The following ETS1 variants were observed in gnomAD, a reference collection of about 807,000 sequenced individuals.
The protein encoded by ETS1 is protein C-ets-1.
ETS1 carries 15 observed loss-of-function variants against 58.6 expected under a neutral mutation model. The ratio of observed to expected loss-of-function variants is 0.26; its 90% CI spans 0.17 to 0.39. The LOEUF (loss-of-function observed/expected upper bound fraction) is 0.39, where lower values mean the gene tolerates loss of function less well. ETS1 is among the 10% of genes least tolerant of loss of function. The pLI is 1.00. For missense variants in ETS1, 417 were observed against 610.5 expected, an observed-to-expected ratio of 0.68 and a Z score of 3.34; for synonymous variants, 214 against 218.2, an observed-to-expected ratio of 0.98 and a Z score of 0.17.
intron 3 of ETS1, among the ~76,000 whole-genome samples, chr11:128,511,552 C>A (rs1394919744): frequency 2.6e-5 from 4 of 152,110 alleles, no homozygotes; most frequent in Non-Finnish European, 5.9e-5. Flanking sequence ...TCATACTAAT[C>A]TGTGCATAGT....
intron 3 of ETS1, among the ~76,000 whole-genome samples, chr11:128,534,509 C>T (rs540987086): frequency 6.6e-6 from 1 of 152,240 alleles, no homozygotes; most frequent in East Asian, 1.9e-4. Flanking sequence ...TGGTTTGCTG[C>T]ACCTGTCAGC....
intron 3 of ETS1, among the ~76,000 whole-genome samples, chr11:128,509,396 A>G (rs776290129): frequency 6.6e-6 from 1 of 152,170 alleles, no homozygotes; most frequent in Non-Finnish European, 1.5e-5. Flanking sequence ...AGAACTCTCA[A>G]GCTGGGGTGG....
chr11:128,567,593 A>G (rs1387215050), intron 2 of ETS1, among the ~76,000 whole-genome samples: 5 of 142,836 alleles, frequency 3.5e-5, no homozygotes, highest in Non-Finnish European at 3.1e-5. Context: ...AAAGAGTGGC[A>G]AGTTTTTTGT....
intron 3 of ETS1, among the ~76,000 whole-genome samples, chr11:128,498,817 A>T (rs1030349909): frequency 5.3e-5 from 8 of 152,224 alleles, no homozygotes; most frequent in Non-Finnish European, 1.0e-4. Context: ...AGCTTCTTAA[A>T]TGATCATTTC....
intron 3 of ETS1, chr11:128,522,528 G>A: frequency 4.3e-6 from 1 of 233,046 alleles, no homozygotes; most frequent in Non-Finnish European, 7.0e-6. Flanking sequence ...GAAAGGAAGG[G>A]CTGGCGAGCG....
intron 8 of ETS1, among the ~76,000 whole-genome samples, chr11:128,469,748 T>C (rs958028694): frequency 3.9e-5 from 6 of 152,068 alleles, no homozygotes; most frequent in African/African-American, 1.4e-4. Flanking sequence ...CCTGAGAAAA[T>C]TATTTTAAGA....
intron 8 of ETS1, among the ~76,000 whole-genome samples, chr11:128,467,178 C>T (rs1434574128): frequency 1.3e-5 from 2 of 152,208 alleles, no homozygotes; most frequent in African/African-American, 4.8e-5. Flanking sequence ...CAGTTCCTGG[C>T]TGGGCCCGTG....
intron 8 of ETS1, among the ~76,000 whole-genome samples, chr11:128,466,771 C>CT (rs143750888): frequency 0.14 from 20,227 of 149,468 alleles, 1,824 homozygotes; most frequent in East Asian, 0.47. Flanking sequence ...CTCTCTAACT[C>CT]TTTTTTTTTT....
chr11:128,482,279 G>A (rs543452271), intron 7 of ETS1, among the ~76,000 whole-genome samples: 10 of 152,222 alleles, frequency 6.6e-5, no homozygotes, highest in South Asian at 2.1e-4. Flanking sequence ...ATTCTGTGGC[G>A]TCTCATAAAA....
At chr11:128,488,946 A>C (rs1862716811) in intron 5 of ETS1, among the ~76,000 whole-genome samples, 1 of 152,126 alleles carries the variant, frequency 6.6e-6, no homozygotes, top group Non-Finnish European at 1.5e-5. Context: ...ACAAAAACAA[A>C]AACAAAAACT....
chr11:128,481,743 G>A (rs974308926), intron 7 of ETS1, among the ~76,000 whole-genome samples: 4 of 152,034 alleles, frequency 2.6e-5, no homozygotes, highest in South Asian at 2.1e-4. Context: ...CCATGACAGC[G>A]GAGATTGGTT....
intron 3 of ETS1, among the ~76,000 whole-genome samples, chr11:128,513,590 T>C (rs991711251): frequency 2.6e-5 from 4 of 151,392 alleles, no homozygotes; most frequent in African/African-American, 9.7e-5. Flanking sequence ...ATTTATTTCG[T>C]GTCTTAATGA....
intron 8 of ETS1, among the ~76,000 whole-genome samples, chr11:128,467,127 G>A (rs1267011911): frequency 6.6e-6 from 1 of 152,204 alleles, no homozygotes; most frequent in Non-Finnish European, 1.5e-5. Flanking sequence ...GAAAGACATG[G>A]AAATGTTCTT....
chr11:128,468,710 C>T (rs775993923), intron 8 of ETS1, among the ~76,000 whole-genome samples: 10 of 152,182 alleles, frequency 6.6e-5, no homozygotes, highest in Non-Finnish European at 1.0e-4. Flanking sequence ...ACATGGCTTA[C>T]ACCAAGACCA....
rs1190692824 is a variant in ETS1, at chr11:128,459,555, G to A, written c.*2806C>T. ...AACCAACAAAGGTTAAGGCATCTCT[G>A]GGAAAATAAGGGTTTCACCCAGCTA... On this transcript the variant is annotated 3_prime_UTR_variant, in exon 10 of 10. Coordinates refer to ENST00000392668, the MANE Select transcript of ETS1 (RefSeq NM_001143820.2). 1 of 152,766 alleles carries A rather than the reference G, an allele frequency of 6.5e-6. No homozygotes were observed. Among genetic ancestry groups the A allele is most frequent in the Non-Finnish European group, 1.5e-5 (1 of 68,034 alleles). The allele number at this position is 152,766 out of a possible 1,614,324, so 9.5% of individuals were successfully genotyped here.
intron 8 of ETS1, among the ~76,000 whole-genome samples, chr11:128,471,605 C>T (rs1862189482): frequency 6.6e-6 from 1 of 152,238 alleles, no homozygotes; most frequent in Non-Finnish European, 1.5e-5. Flanking sequence ...TAGCTCTTTC[C>T]TCCTGATGTC....
chr11:128,575,763 T>C (rs1271001825), intron 1 of ETS1, among the ~76,000 whole-genome samples: 1 of 152,340 alleles, frequency 6.6e-6, no homozygotes, highest in Non-Finnish European at 1.5e-5. Context: ...AAAGATTGCA[T>C]AGAGCAAGGT....
At chr11:128,489,563 T>TTC in intron 4 of ETS1, 73 bp from the exon 5 acceptor site, 1 of 1,174,320 alleles carries the variant, frequency 8.5e-7, no homozygotes, top group Non-Finnish European at 1.3e-6. Context: ...GAGAGGACAC[T>TTC]GAAGGAGCTG....
At chr11:128,578,387 T>A (rs973700022) in intron 1 of ETS1, among the ~76,000 whole-genome samples, 6 of 152,116 alleles carry the variant, frequency 3.9e-5, no homozygotes, top group African/African-American at 1.4e-4. Flanking sequence ...AACTTTGACA[T>A]CAGTTAAGCC....
Sources: allele counts gnomAD v4.1 joint callset (sites outside exome capture counted in the v4.1 genomes callset), GRCh38; gene constraint gnomAD v4.1.1; transcripts MANE v1.5; gene names NCBI Gene and HGNC (gene_info 2026-07-23, HGNC 2026-07-21).